Variants in SFXN5 observed in about 807,000 individuals in gnomAD.
SFXN5 encodes the protein sideroflexin-5.
A neutral mutation model predicts 50.2 loss-of-function variants in SFXN5; 43 were observed. That is an observed-to-expected ratio of 0.86 (90% CI 0.67 to 1.11). SFXN5 has a LOEUF of 1.11. SFXN5 is among the 50% of genes least tolerant of loss of function. The pLI, the probability that SFXN5 is intolerant of heterozygous loss-of-function variation, is 0.00. For missense variants in SFXN5, 463 were observed against 454.1 expected (o/e 1.02, Z -0.18); for synonymous variants, 203 against 185.8 (o/e 1.09, Z -0.75).
At chr2:72,990,052 G>A (rs375286844) in intron 9 of SFXN5, among the ~76,000 whole-genome samples, 8 of 152,252 alleles carry the variant, frequency 5.3e-5, no homozygotes, top group African/African-American at 1.7e-4. Flanking sequence ...GGCGCCTGCC[G>A]CTGTTGGGGC....
intron 9 of SFXN5, chr2:72,998,441 G>A (rs1673505748): frequency 6.3e-6 from 1 of 157,882 alleles, no homozygotes; most frequent in Admixed American, 6.1e-5. Context: ...GACTCAGAGT[G>A]AGCCTAACGC....
In SFXN5 at chr2:72,961,475, G is replaced by A. The variant is rs1280478314; in HGVS notation, c.828-227C>T. Among the ~76,000 whole-genome samples, 4 of 152,184 alleles carry A rather than the reference G, an allele frequency of 2.6e-5. No individual in the cohort carries two copies. The highest frequency in any genetic ancestry group is 5.9e-5 in the Non-Finnish European group (4 of 68,034). On this transcript the variant is annotated intron_variant, in intron 12 of 13. Transcript: ENST00000272433. The surrounding 1 kb of genome is among the most constrained non-coding windows in gnomAD (Gnocchi z 4.4). ...CCCCTATCCCAATGTCTTGAAGGAC[G>A]TTGCTGGCTGAAACCTCAATTACTC...
chr2:73,009,138 T>C (rs1371516826), intron 6 of SFXN5, among the ~76,000 whole-genome samples: 2 of 152,232 alleles, frequency 1.3e-5, no homozygotes, highest in African/African-American at 4.8e-5. Flanking sequence ...CGTTTCTATT[T>C]TGGTAAGCAT....
At chr2:73,001,416 G>T in intron 7 of SFXN5, 109 bp downstream of exon 7, 1 of 1,146,274 alleles carries the variant, frequency 8.7e-7, no homozygotes, top group South Asian at 1.3e-5. Context: ...GGGGTGGACT[G>T]ACCCTACACG....
In SFXN5 at chr2:72,963,863, AG is replaced by A. The variant is rs540605062; in HGVS notation, c.828-2616del. ...CCTCAGCATGGTTGGTGCTGCAGGG[AG>A]GGTGTCAAGTGTGAACCCCTGGAGC... On this transcript the variant is annotated intron_variant, in intron 12 of 13. Transcript: ENST00000272433. Among the ~76,000 whole-genome samples, 513 of 152,230 alleles carry A rather than the reference AG, an allele frequency of 3.4e-3. 3 individuals are homozygous for A. The highest frequency in any genetic ancestry group is 0.012 in the African/African-American group (494 of 41,554).
rs1553530363 is a variant in SFXN5 at position 73,071,473 on chromosome 2, C to CTCCCTGGCGCTAGCTGCAGGCT, written c.102+130_102+131insAGCCTGCAGCTAGCGCCAGGGA. 7 of 768,272 alleles carry CTCCCTGGCGCTAGCTGCAGGCT rather than the reference C, an allele frequency of 9.1e-6. No homozygotes were observed. The African/African-American group carries it at 1.2e-4, about 14-fold the overall frequency. 47.6% of individuals were successfully genotyped at this position (768,272 alleles called of 1,614,324 possible). ...AAAGGGTGACTGTGACCGAGGTTCCCCCCCTGGCGCTAGCTGCAGGCTCCG... is the reference window on the plus strand; with the variant it reads ...AAAGGGTGACTGTGACCGAGGTTCCCTCCCTGGCGCTAGCTGCAGGCTCCCCTGGCGCTAGCTGCAGGCTCCG... On this transcript the variant is annotated intron_variant, in intron 1 of 13. Coordinates refer to ENST00000272433, the MANE Select transcript of SFXN5 (RefSeq NM_144579.3).
At chr2:73,060,979 G>T (rs1291434597) in intron 1 of SFXN5, among the ~76,000 whole-genome samples, 1 of 151,712 alleles carries the variant, frequency 6.6e-6, no homozygotes, top group African/African-American at 2.4e-5. Context: ...GGGATTACAG[G>T]CGTGAGCCAC....
chr2:73,068,139 A>G (rs1247017050), intron 1 of SFXN5, among the ~76,000 whole-genome samples: 1 of 152,140 alleles, frequency 6.6e-6, no homozygotes, highest in African/African-American at 2.4e-5. Context: ...AATAAAGAGG[A>G]GTTCTAGAGC....
At chr2:72,972,540 C>G (rs2105463636) in intron 10 of SFXN5, among the ~76,000 whole-genome samples, 1 of 152,334 alleles carries the variant, frequency 6.6e-6, no homozygotes, top group Non-Finnish European at 1.5e-5. Flanking sequence ...CATTAGCTGG[C>G]AACTAGCTCA....
intron 12 of SFXN5, among the ~76,000 whole-genome samples, chr2:72,967,545 A>G (rs1674572013): frequency 6.6e-6 from 1 of 152,178 alleles, no homozygotes; most frequent in South Asian, 2.1e-4. Context: ...GCTTGTTATT[A>G]TAATTCATAC....
At chr2:72,990,651 G>A (rs1467833263) in intron 9 of SFXN5, among the ~76,000 whole-genome samples, 1 of 152,204 alleles carries the variant, frequency 6.6e-6, no homozygotes, top group Non-Finnish European at 1.5e-5. Context: ...CACAGATAGA[G>A]ACAGGTCCAG....
At chr2:73,009,052 A>G (rs1675136004) in intron 6 of SFXN5, among the ~76,000 whole-genome samples, 1 of 152,150 alleles carries the variant, frequency 6.6e-6, no homozygotes, top group Admixed American at 6.5e-5. Flanking sequence ...TTCTCAGTTG[A>G]GGCACCTGCC....
chr2:72,968,195 A>G (rs565161652), intron 12 of SFXN5, among the ~76,000 whole-genome samples: 1 of 150,452 alleles, frequency 6.6e-6, no homozygotes, highest in African/African-American at 2.4e-5. Context: ...GGGGAGGGCC[A>G]GCACTGTTAT....
chr2:73,004,154 C>T (rs1674288653), intron 6 of SFXN5, among the ~76,000 whole-genome samples: 1 of 152,098 alleles, frequency 6.6e-6, no homozygotes, highest in African/African-American at 2.4e-5. Context: ...GGGGCCCGGA[C>T]TCTGATTTTA....
At chr2:72,957,961 G>A (rs1673294486) in intron 13 of SFXN5, among the ~76,000 whole-genome samples, 1 of 152,236 alleles carries the variant, frequency 6.6e-6, no homozygotes, top group South Asian at 2.1e-4. Context: ...ATTGCAATAA[G>A]AGGGACTTTG....
At chr2:73,034,486 T>C (rs1678712408) in intron 3 of SFXN5, among the ~76,000 whole-genome samples, 1 of 152,180 alleles carries the variant, frequency 6.6e-6, no homozygotes, top group African/African-American at 2.4e-5. Flanking sequence ...ATCTCTTGCA[T>C]CCCAGCAGCT....
intron 12 of SFXN5, among the ~76,000 whole-genome samples, chr2:72,966,306 C>A (rs1260963723): frequency 6.6e-6 from 1 of 152,294 alleles, no homozygotes; most frequent in African/African-American, 2.4e-5. Flanking sequence ...CTCACTGAAC[C>A]AGCTTCAGAA....
intron 3 of SFXN5, among the ~76,000 whole-genome samples, chr2:73,034,740 T>C (rs1049679660): frequency 6.6e-6 from 1 of 152,180 alleles, no homozygotes; most frequent in Non-Finnish European, 1.5e-5. Context: ...ATAGCACTTA[T>C]TCCTCCCCAG....
At chr2:72,995,291 A>G (rs760492333) in intron 9 of SFXN5, among the ~76,000 whole-genome samples, 3 of 152,252 alleles carry the variant, frequency 2.0e-5, no homozygotes, top group Non-Finnish European at 4.4e-5. Flanking sequence ...AAAAGACAGC[A>G]AACTGTTAGA....
Sources: gnomAD v4.1 joint callset for allele counts (sites outside exome capture counted in the v4.1 genomes callset) on GRCh38, gnomAD v4.1.1 for gene constraint, Gnocchi (gnomAD v3.1) non-coding constraint, MANE v1.5 for transcripts, NCBI Gene and HGNC (gene_info 2026-07-23, HGNC 2026-07-21) for gene names.